The following MAP4K3 variants were observed in gnomAD, a reference collection of about 807,000 sequenced individuals.
The protein encoded by MAP4K3 is MAPK/ERK kinase kinase kinase 3.
MAP4K3 carries 94 observed loss-of-function variants against 143.5 expected under a neutral mutation model. The ratio of observed to expected loss-of-function variants is 0.65; its 90% CI spans 0.55 to 0.78. MAP4K3 has a LOEUF of 0.78. Ranked by LOEUF, MAP4K3 falls within the 30% of genes least tolerant of loss-of-function variation. MAP4K3 has a pLI of 0.00. For synonymous variants in MAP4K3, 416 were observed against 347.2 expected (o/e 1.20, Z -2.20); for missense variants, 1,077 against 1,068.1 (o/e 1.01, Z -0.12).
intron 12 of MAP4K3, among the ~76,000 whole-genome samples, chr2:39,316,510 G>A (rs894398560): frequency 6.6e-6 from 1 of 151,942 alleles, no homozygotes; most frequent in Non-Finnish European, 1.5e-5. Context: ...TCAGATGGTT[G>A]GATATGAAAA....
At chr2:39,324,263 T>G (rs1417489418) in intron 12 of MAP4K3, among the ~76,000 whole-genome samples, 2 of 151,900 alleles carry the variant, frequency 1.3e-5, no homozygotes, top group Non-Finnish European at 2.9e-5. Context: ...AAAAATTAGC[T>G]GGGCATGGTG....
At chr2:39,287,992 T>A in intron 20 of MAP4K3, 129 bp downstream of exon 20, 1 of 1,096,950 alleles carries the variant, frequency 9.1e-7, no homozygotes, top group Non-Finnish European at 1.3e-6. Flanking sequence ...GCAGAAAACA[T>A]CTCCATAGCC....
At chr2:39,289,501 T>A (rs1681941638) in intron 19 of MAP4K3, among the ~76,000 whole-genome samples, 1 of 152,180 alleles carries the variant, frequency 6.6e-6, no homozygotes, top group Admixed American at 6.5e-5. Context: ...AACCCATCAG[T>A]TGAAATTACT....
chr2:39,259,068 C>T (rs1240381259), intron 29 of MAP4K3, among the ~76,000 whole-genome samples: 1 of 151,246 alleles, frequency 6.6e-6, no homozygotes, highest in East Asian at 1.9e-4. Flanking sequence ...TCATGGCTCC[C>T]TGCAGCCTTG....
At chr2:39,412,419 C>T (rs1361551827) in intron 1 of MAP4K3, among the ~76,000 whole-genome samples, 2 of 152,062 alleles carry the variant, frequency 1.3e-5, no homozygotes, top group Admixed American at 1.3e-4. Context: ...ACAAAGAAGG[C>T]CCCTGATCCC....
At chr2:39,367,275 C>T (rs888813376) in intron 2 of MAP4K3, among the ~76,000 whole-genome samples, 1 of 152,218 alleles carries the variant, frequency 6.6e-6, no homozygotes, top group African/African-American at 2.4e-5. Context: ...GGCACAGTGG[C>T]TCACACCTGT....
At chr2:39,424,589 G>A (rs1422585170) in intron 1 of MAP4K3, among the ~76,000 whole-genome samples, 3 of 152,042 alleles carry the variant, frequency 2.0e-5, no homozygotes, top group African/African-American at 4.8e-5. Flanking sequence ...CAGCACTTTA[G>A]GAGGTTGAGG....
chr2:39,419,173 G>C (rs1055112923), intron 1 of MAP4K3, among the ~76,000 whole-genome samples: 1 of 151,696 alleles, frequency 6.6e-6, no homozygotes, highest in Non-Finnish European at 1.5e-5. Flanking sequence ...TAACAAAAAG[G>C]TATTTCTCAT....
chr2:39,265,676 A>T (rs1418954510), intron 27 of MAP4K3, among the ~76,000 whole-genome samples: 1 of 152,202 alleles, frequency 6.6e-6, no homozygotes, highest in Non-Finnish European at 1.5e-5. Context: ...CTCCTAAGAT[A>T]CAACACATTC....
chr2:39,275,506 G>C (rs1331078749), intron 24 of MAP4K3, among the ~76,000 whole-genome samples: 2 of 152,052 alleles, frequency 1.3e-5, no homozygotes, highest in African/African-American at 4.8e-5. Context: ...CAACAAAAGA[G>C]TTCTTCAAAT....
At chr2:39,269,399 T>C (rs895117401) in intron 26 of MAP4K3, among the ~76,000 whole-genome samples, 3 of 151,734 alleles carry the variant, frequency 2.0e-5, no homozygotes, top group Non-Finnish European at 4.4e-5. Context: ...TAGACATCTG[T>C]GTCATTCAGT....
rs112763090 is a variant in MAP4K3 at position 39,356,353 on chromosome 2, C to T, written c.155-14G>A. The T allele has an allele frequency of 2.5e-5, 36 of 1,449,462 alleles. 1 individual carries two copies. Among genetic ancestry groups the T allele is most frequent in the African/African-American group, 2.1e-4 (15 of 72,118 alleles). The allele number at this position is 1,449,462 out of a possible 1,614,324, so 89.8% of individuals were successfully genotyped here. ...CAAAGTCTTCTCCTGGAATAAAAAACAAGCATGTTGAATATTTAGAGGTAA... is the reference window on the plus strand; with the variant it reads ...CAAAGTCTTCTCCTGGAATAAAAAATAAGCATGTTGAATATTTAGAGGTAA... On this transcript the variant is annotated splice_polypyrimidine_tract_variant and intron_variant, in intron 2 of 33. Transcript: ENST00000263881.
chr2:39,322,810 C>T (rs968563784), intron 12 of MAP4K3, among the ~76,000 whole-genome samples: 3 of 151,786 alleles, frequency 2.0e-5, no homozygotes, highest in Admixed American at 2.0e-4. Context: ...GCTGGGATTA[C>T]ACGCATGAGC....
chr2:39,268,257 T>C (rs979133228), intron 26 of MAP4K3, among the ~76,000 whole-genome samples: 1 of 152,148 alleles, frequency 6.6e-6, no homozygotes, highest in African/African-American at 2.4e-5. Flanking sequence ...TAATAAAGGT[T>C]GTTGGTGCAT....
Position 39,278,208 on chromosome 2 carries a change from G to C in MAP4K3, c.1794+199C>G, listed in dbSNP as rs561592615. 1.7e-4 allele frequency among the ~76,000 whole-genome samples: 25 copies of C among 151,376 alleles called. No homozygotes were observed. The South Asian group carries it at 5.2e-3, about 32-fold the overall frequency. On this transcript the variant is annotated intron_variant, in intron 24 of 33. Coordinates refer to ENST00000263881, the MANE Select transcript of MAP4K3 (RefSeq NM_003618.4). ...GAGGCATGAGAATTGCTTGAAACTGGTTGCAGTGAGCCGAGATCACACCAC... is the reference window on the plus strand; with the variant it reads ...GAGGCATGAGAATTGCTTGAAACTGCTTGCAGTGAGCCGAGATCACACCAC...
At chr2:39,343,286 T>C (rs3732053) in intron 4 of MAP4K3, 102 bp downstream of exon 4, 632,399 of 745,448 alleles carry the variant, frequency 0.85, 274,636 homozygotes, top group Non-Finnish European at 0.9. Context: ...CAATAAAACA[T>C]AGCTTGCTTT....
At chr2:39,362,375 A>T (rs1665795463) in intron 2 of MAP4K3, among the ~76,000 whole-genome samples, 1 of 152,200 alleles carries the variant, frequency 6.6e-6, no homozygotes, top group Non-Finnish European at 1.5e-5. Flanking sequence ...AGCACTAATA[A>T]ACAAATTCAG....
At chr2:39,277,500 G>A (rs776841547) in intron 24 of MAP4K3, among the ~76,000 whole-genome samples, 3 of 152,104 alleles carry the variant, frequency 2.0e-5, no homozygotes, top group African/African-American at 7.2e-5. Flanking sequence ...TAGATCATGA[G>A]CTTCTCAAGG....
At chr2:39,405,868 T>C (rs1462556781) in intron 1 of MAP4K3, among the ~76,000 whole-genome samples, 2 of 151,554 alleles carry the variant, frequency 1.3e-5, no homozygotes, top group African/African-American at 4.9e-5. Flanking sequence ...TGAGACCCTA[T>C]CTCAAAAAAT....
Sources: allele counts gnomAD v4.1 joint callset (sites outside exome capture counted in the v4.1 genomes callset), GRCh38; gene constraint gnomAD v4.1.1; transcripts MANE v1.5; gene names NCBI Gene and HGNC (gene_info 2026-07-23, HGNC 2026-07-21).